NEBL: variants seen among roughly 807,000 people sequenced by gnomAD.
The protein encoded by NEBL is nebulette, also known as LIM and SH3 protein 2.
In NEBL, 122 loss-of-function variants were observed where a neutral mutation model predicts 140.2. The observed-to-expected ratio is 0.87, with a 90% CI of 0.75 to 1.01. The LOEUF (loss-of-function observed/expected upper bound fraction) is 1.01, where lower values mean the gene tolerates loss of function less well. Ranked by LOEUF, NEBL falls within the 50% of genes least tolerant of loss-of-function variation. The pLI is 0.00. For synonymous variants in NEBL, 436 were observed against 398.9 expected (o/e 1.09, Z -1.11); for missense variants, 1,365 against 1,231.3 (o/e 1.11, Z -1.62).
chr10:20,787,062 T>A, intron 27 of NEBL, 140 bp downstream of exon 27: 1 of 799,036 alleles, frequency 1.3e-6, no homozygotes. Flanking sequence ...TCAAAAGAGT[T>A]GTATAAATGG....
intron 5 of NEBL, among the ~76,000 whole-genome samples, chr10:20,871,958 C>T (rs1382613370): frequency 2.0e-5 from 3 of 152,090 alleles, no homozygotes; most frequent in African/African-American, 7.2e-5. Context: ...CAGGTGAAAA[C>T]AAACCCAAAT....
Position 21,228,185 on chromosome 10 carries a change from A to G in NEBL, n.348+19736T>C, listed in dbSNP as rs1842198231. Among the ~76,000 whole-genome samples the G allele has an allele frequency of 2.0e-5, 3 of 151,694 alleles. No individual in the cohort carries two copies. In the East Asian group the frequency reaches 5.8e-4, roughly 29 times the overall value. The stretch of plus-strand genomic sequence containing the variant: ...TTATTTGTTTTTTAAACAGGATCTC[A>G]CTGTGTCACCCAGGCTGGAGTGCAG... On this transcript the variant is annotated intron_variant and non_coding_transcript_variant, in intron 3 of 8. Transcript: ENST00000675702.
intron 19 of NEBL, among the ~76,000 whole-genome samples, chr10:20,822,857 T>C (rs943755913): frequency 1.3e-5 from 2 of 152,160 alleles, no homozygotes; most frequent in African/African-American, 4.8e-5. Flanking sequence ...ATAGTGGCGA[T>C]GTCTGGGCTT....
At chr10:20,859,393 A>T (rs1843426336) in intron 8 of NEBL, among the ~76,000 whole-genome samples, 1 of 152,082 alleles carries the variant, frequency 6.6e-6, no homozygotes, top group South Asian at 2.1e-4. Context: ...TAATTACATG[A>T]GGTAACTACT....
chr10:20,859,997 TA>T (rs970022184), intron 7 of NEBL, among the ~76,000 whole-genome samples, 171 bp from the exon 8 acceptor site: 3 of 151,896 alleles, frequency 2.0e-5, no homozygotes, highest in Admixed American at 1.3e-4. Flanking sequence ...TTATCTTTAA[TA>T]AAAAAAACTC....
intron 26 of NEBL, among the ~76,000 whole-genome samples, chr10:20,789,060 A>G (rs1390664253): frequency 6.6e-6 from 1 of 152,158 alleles, no homozygotes; most frequent in Non-Finnish European, 1.5e-5. Context: ...GGTGACAAAA[A>G]CAATTGCTCT....
intron 18 of NEBL, 33 bp downstream of exon 18, chr10:20,826,414 T>C (rs1839871171): frequency 6.5e-7 from 1 of 1,544,242 alleles, no homozygotes; most frequent in African/African-American, 1.4e-5. Context: ...GGTTTGCTTT[T>C]AGAAAAGATA....
chr10:20,865,016 A>G (rs1844126993), intron 7 of NEBL, among the ~76,000 whole-genome samples: 3 of 152,178 alleles, frequency 2.0e-5, no homozygotes, highest in Admixed American at 2.0e-4. Flanking sequence ...TGAAGGAAAA[A>G]AATCTGCTTT....
At chr10:20,788,964 C>T (rs1835682216) in intron 26 of NEBL, among the ~76,000 whole-genome samples, 1 of 152,154 alleles carries the variant, frequency 6.6e-6, no homozygotes, top group African/African-American at 2.4e-5. Flanking sequence ...GAGCATACTG[C>T]ATTTCCTGGC....
At chr10:20,973,843 T>C (rs899380763) in intron 3 of NEBL, among the ~76,000 whole-genome samples, 1 of 152,204 alleles carries the variant, frequency 6.6e-6, no homozygotes, top group Non-Finnish European at 1.5e-5. Flanking sequence ...TCAACAGCCA[T>C]GTTTGCCATC....
At chr10:20,882,930 T>C (rs1043779660) in intron 4 of NEBL, among the ~76,000 whole-genome samples, 1 of 152,162 alleles carries the variant, frequency 6.6e-6, no homozygotes, top group Admixed American at 6.5e-5. Flanking sequence ...GCTGCGTCTA[T>C]GTGGCCTTAT....
chr10:21,093,197 A>G (rs982423111), intron 2 of NEBL, among the ~76,000 whole-genome samples: 2 of 128,698 alleles, frequency 1.6e-5, no homozygotes, highest in African/African-American at 5.7e-5. Context: ...AAGATTCTTC[A>G]AGATATGGTA....
Position 21,063,979 on chromosome 10 carries a change from G to A in NEBL, c.165-43778C>T, listed in dbSNP as rs548014231. 7.4e-3 allele frequency among the ~76,000 whole-genome samples: 1,128 copies of A among 152,218 alleles called. 7 individuals are homozygous for A. The highest frequency in any genetic ancestry group is 0.011 in the Non-Finnish European group (769 of 68,014). ...CCTAGCTACCAGGAAGGCTGAGGAA[G>A]GAGGATTGCTTGAGCCCGGGAGGCA... On this transcript the variant is annotated intron_variant, in intron 2 of 6. Transcript: ENST00000417816.
At chr10:20,856,104 C>A (rs1843051451) in intron 9 of NEBL, among the ~76,000 whole-genome samples, 1 of 152,124 alleles carries the variant, frequency 6.6e-6, no homozygotes, top group Admixed American at 6.5e-5. Flanking sequence ...ATTTTTAAGT[C>A]TTTCTCTCCC....
chr10:20,924,070 TG>T, intron 4 of NEBL, among the ~76,000 whole-genome samples: 1 of 152,290 alleles, frequency 6.6e-6, no homozygotes, highest in Non-Finnish European at 1.5e-5. Flanking sequence ...CAGCAATTCT[TG>T]GACAATGAAT....
intron 3 of NEBL, among the ~76,000 whole-genome samples, chr10:21,190,511 C>G (rs1389423775): frequency 6.6e-6 from 1 of 152,046 alleles, no homozygotes; most frequent in Non-Finnish European, 1.5e-5. Flanking sequence ...AAAAACCATC[C>G]TGGATCTGGT....
chr10:20,933,065 A>C (rs896850191), intron 4 of NEBL, among the ~76,000 whole-genome samples: 1 of 148,014 alleles, frequency 6.8e-6, no homozygotes, highest in Non-Finnish European at 1.5e-5. Context: ...TTTGCATGAC[A>C]AAAAAAAAAG....
At chr10:21,069,534 C>T (rs1316067196) in intron 2 of NEBL, among the ~76,000 whole-genome samples, 11 of 152,216 alleles carry the variant, frequency 7.2e-5, no homozygotes, top group Non-Finnish European at 1.5e-5. Context: ...CTCCCTGAAT[C>T]CCAGTTTTCT....
chr10:21,150,527 T>C (rs1204978914), intron 2 of NEBL, among the ~76,000 whole-genome samples: 1 of 152,162 alleles, frequency 6.6e-6, no homozygotes, highest in Non-Finnish European at 1.5e-5. Flanking sequence ...GAACATACAA[T>C]ATATCTCCAA....
Sources: gnomAD v4.1 joint callset for allele counts (sites outside exome capture counted in the v4.1 genomes callset) on GRCh38, gnomAD v4.1.1 for gene constraint, MANE v1.5 for transcripts, NCBI Gene and HGNC (gene_info 2026-07-23, HGNC 2026-07-21) for gene names.